MACROH2A1: variants seen among roughly 807,000 people sequenced by gnomAD.
MACROH2A1 encodes the protein macroH2A.1 histone.
In MACROH2A1, 2 loss-of-function variants were observed where a neutral mutation model predicts 31.6. The observed-to-expected ratio is 0.06, with a 90% CI of 0.03 to 0.20. The LOEUF is 0.20. MACROH2A1 is among the 10% of genes least tolerant of loss of function. The probability of loss-of-function intolerance (pLI) is 1.00; values close to 1 mark genes in which losing one functional copy is unlikely to be tolerated. For synonymous variants in MACROH2A1, 169 were observed against 189.6 expected (o/e 0.89, Z 0.89); for missense variants, 230 against 474.0 (o/e 0.49, Z 4.78).
At chr5:135,361,053 C>T (rs898295691) in intron 4 of MACROH2A1, 1 of 294,990 alleles carries the variant, frequency 3.4e-6, no homozygotes, top group Non-Finnish European at 6.6e-6. Flanking sequence ...TTCCTGACTC[C>T]AGAAGGTCAG....
chr5:135,397,191 A>C (rs973427616), intron 1 of MACROH2A1, among the ~76,000 whole-genome samples: 1 of 152,086 alleles, frequency 6.6e-6, no homozygotes, highest in Admixed American at 6.5e-5. Context: ...TTGGGGCCGC[A>C]TTAGCTCTGA....
intron 8 of MACROH2A1, 154 bp downstream of exon 8, chr5:135,343,106 T>C (rs765644311): frequency 6.5e-7 from 1 of 1,533,034 alleles, no homozygotes; most frequent in South Asian, 1.2e-5. Flanking sequence ...CACCATCATT[T>C]AATGTCTGCA....
intron 6 of MACROH2A1, 34 bp from the exon 7 acceptor site, chr5:135,346,091 T>C: frequency 7.6e-7 from 1 of 1,318,780 alleles, no homozygotes. Context: ...AGGTTGCCAT[T>C]CTGTGTCTCC....
chr5:135,361,074 A>C, intron 4 of MACROH2A1: 1 of 278,010 alleles, frequency 3.6e-6, no homozygotes, highest in Non-Finnish European at 7.0e-6. Flanking sequence ...ACTCGCTTCC[A>C]CCCTTCCTTC....
intron 6 of MACROH2A1, among the ~76,000 whole-genome samples, chr5:135,349,349 C>T (rs1453013923): frequency 2.6e-5 from 4 of 152,130 alleles, no homozygotes; most frequent in Admixed American, 6.5e-5. Flanking sequence ...AAGCATCTTT[C>T]CCTTAAGCTG....
chr5:135,387,956 T>A (rs1766646604), intron 2 of MACROH2A1, among the ~76,000 whole-genome samples: 1 of 149,912 alleles, frequency 6.7e-6, no homozygotes, highest in South Asian at 2.1e-4. Flanking sequence ...AGCTTGAAGA[T>A]CAAATTTGAG....
At chr5:135,353,610 T>C (rs3733727) in intron 5 of MACROH2A1, 22,299 of 152,234 alleles carry the variant, frequency 0.15, 3,200 homozygotes, top group African/African-American at 0.37. Context: ...TTAGTAACAT[T>C]TAATTTACGT....
At chr5:135,374,776 C>T (rs1764637436) in intron 2 of MACROH2A1, among the ~76,000 whole-genome samples, 1 of 152,218 alleles carries the variant, frequency 6.6e-6, no homozygotes, top group African/African-American at 2.4e-5. Context: ...GTTTCCAGAG[C>T]TCAGCCCTTG....
intron 5 of MACROH2A1, chr5:135,357,681 G>C (rs1430492876): frequency 1.7e-5 from 16 of 967,498 alleles, no homozygotes; most frequent in Non-Finnish European, 2.0e-5. Flanking sequence ...AAAAAAGGCT[G>C]CAAATCTTGG....
In MACROH2A1 at chr5:135,343,238, C is replaced by T. The variant is rs373030767; in HGVS notation, c.953+22G>A. On this transcript the variant is annotated intron_variant, in intron 8 of 8. Transcript: ENST00000511689. ...CAGAGAGACACACCCATGACCGATA[C>T]GTAACAAGCATGTGCCCCTACCTGC... 100 of 1,613,144 alleles carry T rather than the reference C, an allele frequency of 6.2e-5. No homozygotes were observed. The Middle Eastern group carries it at 9.9e-4, about 16-fold the overall frequency.
At chr5:135,348,120 C>T (rs986333779) in intron 6 of MACROH2A1, among the ~76,000 whole-genome samples, 2 of 152,154 alleles carry the variant, frequency 1.3e-5, no homozygotes, top group African/African-American at 4.8e-5. Context: ...AAACTGAACC[C>T]TAGATTGCAG....
chr5:135,351,625 C>T (rs1252124759), intron 6 of MACROH2A1: 1 of 124,932 alleles, frequency 8.0e-6, no homozygotes, highest in Non-Finnish European at 1.6e-5. Context: ...TGCAGTGGCA[C>T]AATCATAGCT....
chr5:135,383,240 G>A (rs558235711), intron 2 of MACROH2A1, among the ~76,000 whole-genome samples: 2 of 152,226 alleles, frequency 1.3e-5, no homozygotes, highest in Non-Finnish European at 2.9e-5. Flanking sequence ...TAGATTATGT[G>A]GGGAGCACCT....
At chr5:135,365,349 T>G (rs1763366771) in intron 4 of MACROH2A1, among the ~76,000 whole-genome samples, 3 of 152,184 alleles carry the variant, frequency 2.0e-5, no homozygotes. Flanking sequence ...CCAGGAGCTC[T>G]CTGCCCCCAG....
At chr5:135,381,952 T>G (rs1371564901) in intron 2 of MACROH2A1, among the ~76,000 whole-genome samples, 1 of 152,212 alleles carries the variant, frequency 6.6e-6, no homozygotes, top group Non-Finnish European at 1.5e-5. Flanking sequence ...GTGACAGACA[T>G]GTTCAAAAAC....
At chr5:135,377,750 C>T (rs1765085668) in intron 2 of MACROH2A1, among the ~76,000 whole-genome samples, 1 of 152,236 alleles carries the variant, frequency 6.6e-6, no homozygotes, top group Admixed American at 6.5e-5. Flanking sequence ...AGATGAGAAG[C>T]TGCAGGCACT....
At chr5:135,349,626 T>C (rs925062053) in intron 6 of MACROH2A1, among the ~76,000 whole-genome samples, 5 of 152,258 alleles carry the variant, frequency 3.3e-5, no homozygotes, top group Admixed American at 2.0e-4. Flanking sequence ...ACATCTAGCA[T>C]CCAGGACGCT....
chr5:135,389,121 A>AGCACACTGTGAAGGCGAGAG lies in MACROH2A1; in HGVS notation c.-33-15_-29dup, dbSNP rs1267467604. On this transcript the variant is annotated 5_prime_UTR_variant, in exon 2 of 9. Transcript: ENST00000511689. The stretch of plus-strand genomic sequence containing the variant: ...CGGTGGCCCTGGAGGCGGATCAGTG[A>AGCACACTGTGAAGGCGAGAG]GCACACTGTGAAGGCGAGAGGCACA... 6.2e-7 allele frequency: 1 copy of AGCACACTGTGAAGGCGAGAG among 1,605,398 alleles called. No individual in the cohort carries two copies. The highest frequency in any genetic ancestry group is 1.1e-5 in the South Asian group (1 of 90,462).
At chr5:135,355,490 T>C in intron 5 of MACROH2A1, 1 of 293,870 alleles carries the variant, frequency 3.4e-6, no homozygotes, top group Non-Finnish European at 6.8e-6. Context: ...CCTCAGGGTA[T>C]GCAGCTGAGC....
Sources: allele counts gnomAD v4.1 joint callset (sites outside exome capture counted in the v4.1 genomes callset), GRCh38; gene constraint gnomAD v4.1.1; transcripts MANE v1.5; gene names NCBI Gene and HGNC (gene_info 2026-07-23, HGNC 2026-07-21).